SYTL5: variants seen among roughly 807,000 people sequenced by gnomAD.
SYTL5 encodes synaptotagmin-like protein 5.
SYTL5 carries 34 observed loss-of-function variants against 55.9 expected under a neutral mutation model. That is an observed-to-expected ratio of 0.61 (90% CI 0.46 to 0.81). The LOEUF is 0.81. Ranked by LOEUF, SYTL5 falls within the 30% of genes least tolerant of loss-of-function variation. The pLI, the probability that SYTL5 is intolerant of heterozygous loss-of-function variation, is 0.00. For synonymous variants in SYTL5, 221 were observed against 188.7 expected (o/e 1.17, Z -1.40); for missense variants, 637 against 546.7 (o/e 1.17, Z -1.65).
At chrX:37,933,080 A>T in the SYTL5 span, among the ~76,000 whole-genome samples, 10 of 111,374 alleles carry the variant, frequency 9.0e-5, no homozygotes, top group African/African-American at 3.3e-4. Context: ...GCCTGCACAG[A>T]TTTAAAGGAG....
intron 3 of SYTL5, among the ~76,000 whole-genome samples, chrX:38,071,593 A>G (rs1426849889): frequency 1.8e-5 from 2 of 111,649 alleles, no homozygotes; most frequent in Non-Finnish European, 3.8e-5. Flanking sequence ...ACAGAGTCTG[A>G]TCATGACCTC....
intron 9 of SYTL5, among the ~76,000 whole-genome samples, chrX:38,097,394 C>T (rs1017749122): frequency 1.8e-5 from 2 of 110,333 alleles, no homozygotes; most frequent in Non-Finnish European, 3.8e-5. Flanking sequence ...CAAAAATCAA[C>T]TGTATTTATA....
intron 2 of SYTL5, among the ~76,000 whole-genome samples, chrX:38,045,145 G>T (rs1935420608): frequency 8.9e-6 from 1 of 111,800 alleles, no homozygotes; most frequent in South Asian, 3.7e-4. Context: ...AAGAATCTAA[G>T]CAAGGGTGAG....
chrX:38,117,015 T>C (rs1937506338), intron 13 of SYTL5, among the ~76,000 whole-genome samples: 1 of 112,379 alleles, frequency 8.9e-6, no homozygotes, highest in African/African-American at 3.2e-5. Flanking sequence ...CCCACAGCAC[T>C]TAGCAAAATG....
At chrX:38,025,153 G>A (rs1008288342) in intron 1 of SYTL5, among the ~76,000 whole-genome samples, 1 of 112,033 alleles carries the variant, frequency 8.9e-6, no homozygotes, top group African/African-American at 3.2e-5. Context: ...ATGTGATTTA[G>A]CTTGTATTCT....
At chrX:38,024,058 A>AC (rs1934665883) in intron 1 of SYTL5, 1 of 110,747 alleles carries the variant, frequency 9.0e-6, no homozygotes, top group Non-Finnish European at 1.9e-5. Context: ...TAGAAAAAAA[A>AC]ATATTTAACT....
chrX:38,059,562 C>T (rs2147332155), intron 3 of SYTL5, among the ~76,000 whole-genome samples: 1 of 111,977 alleles, frequency 8.9e-6, no homozygotes, highest in African/African-American at 3.2e-5. Flanking sequence ...GGGAATACTC[C>T]TTCAGAGACT....
chrX:37,987,139 T>C, the SYTL5 span, among the ~76,000 whole-genome samples: 2 of 112,179 alleles, frequency 1.8e-5, no homozygotes, highest in African/African-American at 6.5e-5. Context: ...TAAGGTTCAG[T>C]GTCATTTCAA....
intron 1 of SYTL5, among the ~76,000 whole-genome samples, chrX:38,022,980 T>C (rs1018696271): frequency 9.0e-6 from 1 of 111,092 alleles, no homozygotes; most frequent in Non-Finnish European, 1.9e-5. Flanking sequence ...GAGAGAGAGA[T>C]CAGCAAGGGA....
chrX:38,117,630 C>T (rs775244666), intron 13 of SYTL5, among the ~76,000 whole-genome samples: 1 of 111,878 alleles, frequency 8.9e-6, no homozygotes, highest in South Asian at 3.8e-4. Flanking sequence ...GGGTTTCTGG[C>T]GCCACTGCAG....
intron 6 of SYTL5, among the ~76,000 whole-genome samples, chrX:38,087,269 T>A (rs1337044257): frequency 8.9e-6 from 1 of 111,941 alleles, no homozygotes; most frequent in Admixed American, 9.5e-5. Flanking sequence ...GAACCTATGG[T>A]CACAGTACAG....
the SYTL5 span, among the ~76,000 whole-genome samples, chrX:37,911,456 C>G: frequency 9.0e-6 from 1 of 111,466 alleles, no homozygotes; most frequent in Admixed American, 9.5e-5. Flanking sequence ...AATCATAGAG[C>G]TATTTTGCAG....
the SYTL5 span, among the ~76,000 whole-genome samples, chrX:37,930,256 T>C: frequency 8.9e-6 from 1 of 111,841 alleles, no homozygotes. Flanking sequence ...TTTATTTTAA[T>C]AGAACCCCAG....
chrX:38,052,941 T>G (rs1200533930), intron 2 of SYTL5, among the ~76,000 whole-genome samples: 1 of 112,264 alleles, frequency 8.9e-6, no homozygotes, highest in Non-Finnish European at 1.9e-5. Context: ...GGCAATATAT[T>G]GGAATAAACA....
intron 6 of SYTL5, among the ~76,000 whole-genome samples, chrX:38,081,354 A>G: frequency 9.0e-6 from 1 of 111,669 alleles, no homozygotes; most frequent in Non-Finnish European, 1.9e-5. Context: ...GAGAGGAAAC[A>G]TGAATTCACC....
At chrX:37,959,854 C>G in the SYTL5 span, among the ~76,000 whole-genome samples, 1 of 112,026 alleles carries the variant, frequency 8.9e-6, no homozygotes, top group South Asian at 3.7e-4. Context: ...TGACAACTCT[C>G]TGCCTGGGCC....
At chrX:37,889,937 G>A in the SYTL5 span, among the ~76,000 whole-genome samples, 13 of 111,356 alleles carry the variant, frequency 1.2e-4, no homozygotes, top group Middle Eastern at 9.1e-3. Flanking sequence ...TAATGTGGCA[G>A]ACCAGGACTC....
the SYTL5 span, among the ~76,000 whole-genome samples, chrX:37,901,866 A>C: frequency 9.0e-6 from 1 of 111,597 alleles, no homozygotes; most frequent in East Asian, 2.8e-4. Context: ...CAGAGGCATA[A>C]ATTTGGGAGT....
At chrX:37,984,564 C>A in the SYTL5 span, among the ~76,000 whole-genome samples, 1 of 111,753 alleles carries the variant, frequency 8.9e-6, no homozygotes, top group African/African-American at 3.2e-5. Context: ...ATTTAGAGAA[C>A]AATTAATACT....
Sources: allele counts gnomAD v4.1 joint callset (sites outside exome capture counted in the v4.1 genomes callset), GRCh38; gene constraint gnomAD v4.1.1; transcripts MANE v1.5; gene names NCBI Gene and HGNC (gene_info 2026-07-23, HGNC 2026-07-21).